FOXN3: variants seen among roughly 807,000 people sequenced by gnomAD.
FOXN3 encodes forkhead box N3, also known as forkhead box protein N3.
FOXN3 carries 7 observed loss-of-function variants against 38.4 expected under a neutral mutation model. The ratio of observed to expected loss-of-function variants is 0.18; its 90% CI spans 0.10 to 0.34. The LOEUF (loss-of-function observed/expected upper bound fraction) is 0.34. Ranked by LOEUF, FOXN3 falls within the 10% of genes least tolerant of loss-of-function variation. The pLI is 1.00. For missense variants in FOXN3, 456 were observed against 613.4 expected, an observed-to-expected ratio of 0.74 and a Z score of 2.71; for synonymous variants, 230 against 242.2, an observed-to-expected ratio of 0.95 and a Z score of 0.47.
At chr14:89,300,479 G>C (rs926422977) in intron 3 of FOXN3, among the ~76,000 whole-genome samples, 3 of 152,204 alleles carry the variant, frequency 2.0e-5, no homozygotes, top group South Asian at 2.1e-4. Context: ...ACTGTGCCCA[G>C]CCAAGAAATG....
At chr14:89,503,323 C>T (rs530163086) in intron 1 of FOXN3, among the ~76,000 whole-genome samples, 1 of 151,902 alleles carries the variant, frequency 6.6e-6, no homozygotes, top group South Asian at 2.1e-4. Flanking sequence ...AAAAAAAAAC[C>T]CATACAGCTG....
intron 1 of FOXN3, among the ~76,000 whole-genome samples, chr14:89,507,277 T>A (rs1893962931): frequency 6.6e-6 from 1 of 152,204 alleles, no homozygotes; most frequent in African/African-American, 2.4e-5. Context: ...AGCATTGGGC[T>A]AATCTGGAAT....
intron 3 of FOXN3, among the ~76,000 whole-genome samples, chr14:89,341,358 T>G (rs894541966): frequency 3.3e-5 from 5 of 152,192 alleles, no homozygotes; most frequent in African/African-American, 1.2e-4. Context: ...ATGGCTGGCA[T>G]GCTAACCTTC....
intron 4 of FOXN3, among the ~76,000 whole-genome samples, chr14:89,262,613 G>T (rs1305351318): frequency 2.0e-5 from 3 of 152,210 alleles, no homozygotes; most frequent in African/African-American, 7.2e-5. Flanking sequence ...TAACTCTTTC[G>T]GGAAAACAAA....
intron 4 of FOXN3, among the ~76,000 whole-genome samples, chr14:89,205,025 G>C (rs180793156): frequency 2.1e-5 from 3 of 142,766 alleles, no homozygotes; most frequent in East Asian, 3.9e-4. Flanking sequence ...ATGGGAAATG[G>C]GTTCTAAAGA....
rs896525171 is a variant in FOXN3, at chr14:89,425,552, C to T, written c.-14-13062G>A. ...CCGGCTAATTTTTTTTTTTAATAGA[C>T]ACGGGGTTGAGCATGTTGGCCACGC... On this transcript the variant is annotated intron_variant, in intron 1 of 6. Coordinates refer to the FOXN3 transcript ENST00000345097. Among the ~76,000 whole-genome samples the T allele has an allele frequency of 2.1e-5, 3 of 145,954 alleles. No homozygotes were observed. In the Admixed American group the frequency reaches 2.1e-4, roughly 10 times the overall value.
At chr14:89,511,284 T>C (rs75294869) in intron 1 of FOXN3, among the ~76,000 whole-genome samples, 16,049 of 46,846 alleles carry the variant, frequency 0.34, 6,767 homozygotes, top group Middle Eastern at 0.64. Flanking sequence ...TCTTTCTTTC[T>C]TTCTTTCTTT....
chr14:89,454,906 GT>G (rs1892688480), intron 1 of FOXN3, among the ~76,000 whole-genome samples: 1 of 152,202 alleles, frequency 6.6e-6, no homozygotes, highest in Admixed American at 6.5e-5. Flanking sequence ...AGGAGAGGGA[GT>G]GGGGATATGG....
At chr14:89,170,654 A>T (rs1887365992) in intron 5 of FOXN3, among the ~76,000 whole-genome samples, 1 of 152,236 alleles carries the variant, frequency 6.6e-6, no homozygotes, top group African/African-American at 2.4e-5. Flanking sequence ...TAATGTACAG[A>T]TAAATTCTCT....
intron 2 of FOXN3, among the ~76,000 whole-genome samples, chr14:89,401,931 A>ATTTACT (rs1891260752): frequency 6.6e-6 from 1 of 152,190 alleles, no homozygotes; most frequent in Non-Finnish European, 1.5e-5. Flanking sequence ...GGAAGCGTAT[A>ATTTACT]GCCTCTCTGC....
intron 1 of FOXN3, among the ~76,000 whole-genome samples, chr14:89,459,117 C>T (rs573047166): frequency 6.6e-6 from 1 of 151,642 alleles, no homozygotes; most frequent in African/African-American, 2.4e-5. Flanking sequence ...AGAGTGAATC[C>T]TTTAAACGAG....
chr14:89,359,196 T>G (rs1229954900), intron 2 of FOXN3, among the ~76,000 whole-genome samples: 1 of 151,894 alleles, frequency 6.6e-6, no homozygotes, highest in African/African-American at 2.4e-5. Context: ...CTTGGGAGGC[T>G]GAGGCAGGAG....
chr14:89,267,791 C>T (rs750687171), intron 4 of FOXN3, among the ~76,000 whole-genome samples: 5 of 152,068 alleles, frequency 3.3e-5, no homozygotes, highest in Non-Finnish European at 5.9e-5. Flanking sequence ...ATTTCCAAAA[C>T]GATCAGAGTA....
At chr14:89,520,809 A>G (rs978108396) in intron 1 of FOXN3, among the ~76,000 whole-genome samples, 2 of 152,228 alleles carry the variant, frequency 1.3e-5, no homozygotes, top group South Asian at 2.1e-4. Context: ...AAAAGCCAAC[A>G]GCAATCAGAA....
chr14:89,374,263 C>CAAAAAAA lies in FOXN3; in HGVS notation c.544-23462_544-23456dup, dbSNP rs35623770. Among the ~76,000 whole-genome samples the CAAAAAAA allele has an allele frequency of 2.7e-3, 128 of 48,154 alleles. 7 individuals carry two copies. The highest frequency in any genetic ancestry group is 9.0e-3 in the African/African-American group (112 of 12,484). 31.6% of individuals were successfully genotyped at this position (48,154 alleles called of 152,430 possible). ...AGGGCAACAGAGTGAGACCTTGTCT[C>CAAAAAAA]AAAAAAAAAAAAAAAAAAAAAAAAA... On this transcript the variant is annotated intron_variant, in intron 2 of 5. Coordinates refer to ENST00000557258, the MANE Select transcript of FOXN3 (RefSeq NM_005197.4).
chr14:89,371,136 A>T (rs978335354), intron 2 of FOXN3, among the ~76,000 whole-genome samples: 3 of 152,084 alleles, frequency 2.0e-5, no homozygotes, highest in Non-Finnish European at 2.9e-5. Context: ...AGTCAATCTG[A>T]ACAGTAGCAC....
At chr14:89,471,746 G>A (rs1893099036) in intron 1 of FOXN3, among the ~76,000 whole-genome samples, 1 of 152,134 alleles carries the variant, frequency 6.6e-6, no homozygotes. Flanking sequence ...TTCCCTGCCT[G>A]CCTGAAGTTA....
At chr14:89,183,628 C>G (rs1453138261) in intron 4 of FOXN3, among the ~76,000 whole-genome samples, 1 of 152,064 alleles carries the variant, frequency 6.6e-6, no homozygotes, top group East Asian at 1.9e-4. Context: ...AACTGGAGTT[C>G]AAAGGCAGAA....
intron 4 of FOXN3, among the ~76,000 whole-genome samples, chr14:89,247,348 T>G (rs1347374228): frequency 6.6e-6 from 1 of 152,150 alleles, no homozygotes; most frequent in Non-Finnish European, 1.5e-5. Context: ...ACTAAGAAAA[T>G]TTTGACCAAT....
Sources: gnomAD v4.1 joint callset for allele counts (sites outside exome capture counted in the v4.1 genomes callset) on GRCh38, gnomAD v4.1.1 for gene constraint, MANE v1.5 for transcripts, NCBI Gene and HGNC (gene_info 2026-07-23, HGNC 2026-07-21) for gene names.